KCNAB1: variants seen among roughly 807,000 people sequenced by gnomAD.
KCNAB1 encodes potassium voltage-gated channel subfamily A regulatory beta subunit 1.
In KCNAB1, 35 loss-of-function variants were observed where a neutral mutation model predicts 64.6. The ratio of observed to expected loss-of-function variants is 0.54; its 90% confidence interval spans 0.41 to 0.72. The LOEUF (loss-of-function observed/expected upper bound fraction) is 0.72, where lower values mean the gene tolerates loss of function less well. KCNAB1 is among the 30% of genes least tolerant of loss of function. KCNAB1 has a pLI of 0.00. For synonymous variants in KCNAB1, 177 were observed against 183.8 expected, an observed-to-expected ratio of 0.96 and a Z score of 0.30; for missense variants, 401 against 512.9, an observed-to-expected ratio of 0.78 and a Z score of 2.11.
chr3:156,404,510 G>A (rs816547), intron 1 of KCNAB1, among the ~76,000 whole-genome samples: 20,621 of 152,230 alleles, frequency 0.14, 1,806 homozygotes, highest in Non-Finnish European at 0.2. Flanking sequence ...TATTATCATG[G>A]TAGTAACTAA....
chr3:156,314,682 A>G (rs1722157558), intron 1 of KCNAB1, among the ~76,000 whole-genome samples: 2 of 152,238 alleles, frequency 1.3e-5, no homozygotes, highest in Non-Finnish European at 1.5e-5. Context: ...TGCATAGGTG[A>G]CTTTAGCTCA....
chr3:156,232,365 ATACT>A (rs911814681), intron 1 of KCNAB1, among the ~76,000 whole-genome samples: 79 of 152,386 alleles, frequency 5.2e-4, no homozygotes, highest in Admixed American at 2.4e-3. Flanking sequence ...GAAATACCAG[ATACT>A]TACTTACACT....
intron 1 of KCNAB1, among the ~76,000 whole-genome samples, chr3:156,152,189 C>T (rs992252883): frequency 2.6e-5 from 4 of 152,192 alleles, no homozygotes; most frequent in South Asian, 2.1e-4. Flanking sequence ...TACATAAATC[C>T]GGTCCCCTGT....
chr3:156,174,691 G>A (rs1712231571), intron 1 of KCNAB1, among the ~76,000 whole-genome samples: 1 of 152,174 alleles, frequency 6.6e-6, no homozygotes, highest in South Asian at 2.1e-4. Flanking sequence ...GTCGAGAAGA[G>A]CTGGAGGGGC....
chr3:156,507,517 A>G (rs1462973549), intron 8 of KCNAB1, among the ~76,000 whole-genome samples: 3 of 152,242 alleles, frequency 2.0e-5, no homozygotes, highest in African/African-American at 7.2e-5. Flanking sequence ...CTGAAGAATG[A>G]TAGTCCTCTA....
intron 1 of KCNAB1, among the ~76,000 whole-genome samples, chr3:156,165,303 A>G (rs895472902): frequency 3.6e-4 from 55 of 151,408 alleles, no homozygotes; most frequent in African/African-American, 1.3e-3. Context: ...AAAAAAAAAA[A>G]AAGAAAGCAA....
chr3:156,200,629 T>C (rs1714267930), intron 1 of KCNAB1, among the ~76,000 whole-genome samples: 1 of 152,190 alleles, frequency 6.6e-6, no homozygotes, highest in South Asian at 2.1e-4. Flanking sequence ...AACCGCCTAC[T>C]GAAGCCTCAG....
chr3:156,292,265 G>A (rs1218726029), intron 1 of KCNAB1: 4 of 948,758 alleles, frequency 4.2e-6, no homozygotes, highest in Middle Eastern at 2.8e-4. Flanking sequence ...TTCTAAAATA[G>A]CTCTTTAGGG....
intron 1 of KCNAB1, among the ~76,000 whole-genome samples, chr3:156,408,637 G>C (rs572374843): frequency 6.6e-6 from 1 of 151,944 alleles, no homozygotes; most frequent in Non-Finnish European, 1.5e-5. Context: ...AAAATTAGCC[G>C]GGTGTGGTGG....
chr3:156,312,814 A>T (rs1359879667), intron 1 of KCNAB1, among the ~76,000 whole-genome samples: 2 of 151,868 alleles, frequency 1.3e-5, no homozygotes, highest in African/African-American at 4.8e-5. Flanking sequence ...GACTCAAAAG[A>T]TGCAGGTTGA....
intron 2 of KCNAB1, among the ~76,000 whole-genome samples, chr3:156,424,523 T>C (rs773764642): frequency 1.3e-5 from 2 of 152,182 alleles, no homozygotes; most frequent in Non-Finnish European, 2.9e-5. Flanking sequence ...TAAGTATATC[T>C]TTACAGTAAA....
intron 1 of KCNAB1, among the ~76,000 whole-genome samples, chr3:156,230,660 A>G (rs887253380): frequency 5.3e-5 from 8 of 152,210 alleles, no homozygotes; most frequent in Admixed American, 4.6e-4. Context: ...CCAAATAAAT[A>G]TACACACACA....
chr3:156,392,704 A>C (rs1713136507), intron 1 of KCNAB1, among the ~76,000 whole-genome samples: 1 of 152,250 alleles, frequency 6.6e-6, no homozygotes, highest in Non-Finnish European at 1.5e-5. Context: ...TATGAATGTT[A>C]ATATAAGCAA....
intron 1 of KCNAB1, among the ~76,000 whole-genome samples, chr3:156,374,651 A>G (rs957833796): frequency 1.5e-5 from 2 of 134,980 alleles, no homozygotes; most frequent in African/African-American, 3.3e-5. Flanking sequence ...CCTTCCCACT[A>G]GCGAGAGGTG....
chr3:156,304,403 A>T (rs1721351627), intron 1 of KCNAB1, among the ~76,000 whole-genome samples: 1 of 152,226 alleles, frequency 6.6e-6, no homozygotes, highest in African/African-American at 2.4e-5. Flanking sequence ...AAGTTACCGC[A>T]ACTGAGGCAC....
upstream of KCNAB1, chr3:156,118,275 G>A (rs946001840): frequency 2.2e-6 from 1 of 452,606 alleles, no homozygotes; most frequent in African/African-American, 2.0e-5. Flanking sequence ...GCTGTTGTCT[G>A]GAAACTCAGC....
intron 1 of KCNAB1, among the ~76,000 whole-genome samples, chr3:156,348,938 A>G (rs1724682034): frequency 6.6e-6 from 1 of 152,178 alleles, no homozygotes; most frequent in African/African-American, 2.4e-5. Context: ...CTGTATTTTG[A>G]TGCTGTACCT....
intron 1 of KCNAB1, among the ~76,000 whole-genome samples, chr3:156,378,489 C>T (rs1247225262): frequency 2.0e-5 from 3 of 152,178 alleles, no homozygotes; most frequent in African/African-American, 7.2e-5. Context: ...TATCTATCTC[C>T]CCTTAGCCCT....
At chr3:156,471,015 G>GA (rs1189141826) in intron 7 of KCNAB1, among the ~76,000 whole-genome samples, 2 of 152,088 alleles carry the variant, frequency 1.3e-5, no homozygotes, top group East Asian at 1.9e-4. Flanking sequence ...GGTCTGCTGA[G>GA]AAAAAACTAG....
Sources: allele counts gnomAD v4.1 joint callset (sites outside exome capture counted in the v4.1 genomes callset), GRCh38; gene constraint gnomAD v4.1.1; transcripts MANE v1.5; gene names NCBI Gene and HGNC (gene_info 2026-07-23, HGNC 2026-07-21).